Variants in MATN2 observed in about 807,000 individuals in gnomAD.
The protein encoded by MATN2 is matrilin-2.
Under a neutral mutation model 103.2 loss-of-function variants are expected in MATN2, and 69 were observed. That is an observed-to-expected ratio of 0.67 (90% CI 0.55 to 0.82). MATN2 has a LOEUF of 0.82. Ranked by LOEUF, MATN2 falls within the 40% of genes least tolerant of loss-of-function variation. The pLI is 0.00. For missense variants in MATN2, 1,023 were observed against 1,211.5 expected, an observed-to-expected ratio of 0.84 and a Z score of 2.31; for synonymous variants, 429 against 450.2, an observed-to-expected ratio of 0.95 and a Z score of 0.60.
intron 5 of MATN2, among the ~76,000 whole-genome samples, chr8:97,973,015 A>G (rs534647073): frequency 6.6e-6 from 1 of 152,344 alleles, no homozygotes; most frequent in East Asian, 1.9e-4. Context: ...CAACCAAGAA[A>G]GTTATGCAAA....
intron 5 of MATN2, among the ~76,000 whole-genome samples, chr8:97,965,572 G>T (rs191194170): frequency 1.7e-4 from 26 of 152,346 alleles, no homozygotes; most frequent in Admixed American, 2.6e-4. Context: ...CGTGGCACAT[G>T]TCTATAATCC....
At position 97,892,415 on chromosome 8, in the gene MATN2, CAA is replaced by C. The variant is rs35181049; in HGVS notation, c.142+4195_142+4196del. Among the ~76,000 whole-genome samples the C allele has an allele frequency of 3.3e-4, 26 of 78,010 alleles. No homozygotes were observed. In the East Asian group the frequency reaches 3.5e-3, roughly 10 times the overall value. 51.2% of individuals were successfully genotyped at this position (78,010 alleles called of 152,430 possible). On this transcript the variant is annotated intron_variant, in intron 2 of 18. Coordinates refer to ENST00000254898, the MANE Select transcript of MATN2 (RefSeq NM_002380.5). ...TGGGTGACAGAGTGAGACCCTGTCTCAAAAAAAAAAAAAAAAAAAAAAAGAAG... is the reference window on the plus strand; with the variant it reads ...TGGGTGACAGAGTGAGACCCTGTCTCAAAAAAAAAAAAAAAAAAAAAGAAG...
chr8:97,977,767 C>A (rs2130307044), intron 5 of MATN2, among the ~76,000 whole-genome samples: 1 of 152,340 alleles, frequency 6.6e-6, no homozygotes, highest in Non-Finnish European at 1.5e-5. Context: ...TCCAGCCACC[C>A]TGGCCTCTTT....
At position 97,927,326 on chromosome 8, in the gene MATN2, A is replaced by AT. The variant is rs569076720; in HGVS notation, c.143-3614dup. Among the ~76,000 whole-genome samples, 228 of 60,466 alleles carry AT rather than the reference A, an allele frequency of 3.8e-3. 1 individual carries two copies. In the East Asian group the frequency reaches 0.13, roughly 35 times the overall value. 39.7% of individuals were successfully genotyped at this position (60,466 alleles called of 152,430 possible). A position where few individuals can be genotyped will look rare whatever the true frequency, so the allele number is the denominator to read the frequency against. ...ACCCAGCTAATTTTGTATTATTATT[A>AT]TTTTTTTTTTTTTAGTAGAGATGGG... is the stretch of plus-strand genomic sequence containing the variant. On this transcript the variant is annotated intron_variant, in intron 2 of 18. Transcript: ENST00000254898.
rs1402326211 is a variant in MATN2, at chr8:97,869,131, GC to G, written c.-182del. 6.6e-6 allele frequency: 1 copy of G among 151,948 alleles called. No homozygotes were observed. Among genetic ancestry groups the G allele is most frequent in the African/African-American group, 2.4e-5 (1 of 41,090 alleles). The allele number at this position is 151,948 out of a possible 1,614,324, so 9.4% of individuals were successfully genotyped here. A position where few individuals can be genotyped will look rare whatever the true frequency, so the allele number is the denominator to read the frequency against. On this transcript the variant is annotated 5_prime_UTR_variant, in exon 1 of 19. Transcript: ENST00000254898. ...ATGGGACTTGGAGCAAGCGGCGGCG[GC>G]GGAGACAGAGGCAGAGGCAGAAGCT...
chr8:97,976,685 G>C (rs1280670588), intron 5 of MATN2, among the ~76,000 whole-genome samples: 1 of 151,914 alleles, frequency 6.6e-6, no homozygotes, highest in Admixed American at 6.6e-5. Context: ...TTAAGCTCCT[G>C]AGCTCAAATG....
intron 2 of MATN2, among the ~76,000 whole-genome samples, chr8:97,895,196 G>A (rs1818770177): frequency 6.6e-6 from 1 of 152,056 alleles, no homozygotes. Context: ...TTAAGGCTTA[G>A]CTGCCACTCA....
At chr8:97,917,580 G>A (rs1809674082) in intron 2 of MATN2, among the ~76,000 whole-genome samples, 1 of 152,142 alleles carries the variant, frequency 6.6e-6, no homozygotes, top group South Asian at 2.1e-4. Context: ...GGCAGGACAG[G>A]GAGCCTGGCT....
Position 98,030,553 on chromosome 8 carries a change from T to C in MATN2, c.2448T>C (p.Tyr816=). 1.2e-6 allele frequency: 2 copies of C among 1,613,948 alleles called. No homozygotes were observed. Among genetic ancestry groups the C allele is most frequent in the Non-Finnish European group, 1.7e-6 (2 of 1,179,854 alleles). The part of the protein sequence containing the change: ...ASEPTNKHLF[Y]AEDFSTMDEI... ...AGCCCACAAACAAGCATCTCTTCTA[T>C]GCCGAAGACTTCAGCACAATGGATG... The change falls in exon 15 of 19, where the codon TAT becomes TAC. Residue 816 remains tyrosine, a synonymous_variant. Coordinates refer to ENST00000254898, the MANE Select transcript of MATN2 (RefSeq NM_002380.5).
intron 10 of MATN2, among the ~76,000 whole-genome samples, chr8:98,008,398 C>T (rs1027985301): frequency 4.6e-5 from 7 of 152,184 alleles, no homozygotes; most frequent in Non-Finnish European, 8.8e-5. Flanking sequence ...CACCATTTAT[C>T]TTCCCCAGCC....
chr8:97,916,655 C>G (rs1809640066), intron 2 of MATN2, among the ~76,000 whole-genome samples: 1 of 152,116 alleles, frequency 6.6e-6, no homozygotes, highest in Admixed American at 6.5e-5. Context: ...TTCTCTTTAT[C>G]AATTAAGAAA....
At chr8:97,933,190 G>A (rs1810256440) in intron 3 of MATN2, among the ~76,000 whole-genome samples, 1 of 152,204 alleles carries the variant, frequency 6.6e-6, no homozygotes, top group Non-Finnish European at 1.5e-5. Context: ...ATGCCACTTG[G>A]AAAGTGTTCA....
At chr8:97,910,715 G>A (rs1213510716) in intron 2 of MATN2, among the ~76,000 whole-genome samples, 1 of 152,186 alleles carries the variant, frequency 6.6e-6, no homozygotes, top group Non-Finnish European at 1.5e-5. Flanking sequence ...GAATTCTAGA[G>A]TTAGAGTCCC....
chr8:98,032,204 G>T, intron 15 of MATN2, 42 bp from the exon 16 acceptor site: 1 of 1,525,948 alleles, frequency 6.6e-7, no homozygotes, highest in Non-Finnish European at 9.0e-7. Context: ...ACACATGCCT[G>T]TGGACAACCA....
At chr8:97,948,523 G>A (rs2130209445) in intron 4 of MATN2, among the ~76,000 whole-genome samples, 1 of 152,318 alleles carries the variant, frequency 6.6e-6, no homozygotes, top group South Asian at 2.1e-4. Flanking sequence ...GAACAGAACA[G>A]AATCGAGAAA....
chr8:97,952,376 G>GTGCAGTGCAGCTTT (rs1426257120), intron 4 of MATN2: 2 of 152,264 alleles, frequency 1.3e-5, no homozygotes, highest in Non-Finnish European at 2.9e-5. Flanking sequence ...TGTCAACAGC[G>GTGCAGTGCAGCTTT]TGCAGTGCAG....
chr8:97,945,682 T>TAC (rs1166201539), intron 4 of MATN2, among the ~76,000 whole-genome samples: 4 of 131,562 alleles, frequency 3.0e-5, no homozygotes, highest in African/African-American at 1.1e-4. Flanking sequence ...TGCCTTCAAA[T>TAC]ACACACACAC....
At chr8:98,011,676 C>T (rs1013610517) in intron 10 of MATN2, among the ~76,000 whole-genome samples, 26 of 152,320 alleles carry the variant, frequency 1.7e-4, no homozygotes, top group Non-Finnish European at 3.7e-4. Context: ...TTCTATCTGT[C>T]GGCTTCTGGT....
At chr8:97,973,802 T>C (rs900277023) in intron 5 of MATN2, among the ~76,000 whole-genome samples, 1 of 152,088 alleles carries the variant, frequency 6.6e-6, no homozygotes, top group Admixed American at 6.5e-5. Context: ...ACCCCTGGGC[T>C]CAAGCAGTCT....
Sources: gnomAD v4.1 joint callset for allele counts (sites outside exome capture counted in the v4.1 genomes callset) on GRCh38, gnomAD v4.1.1 for gene constraint, MANE v1.5 for transcripts, NCBI Gene and HGNC (gene_info 2026-07-23, HGNC 2026-07-21) for gene names.